The following PSG11 variants were observed in gnomAD, a reference collection of about 807,000 sequenced individuals.
PSG11 encodes the protein pregnancy specific beta-1-glycoprotein 11.
In PSG11, 42 loss-of-function variants were observed where a neutral mutation model predicts 36.0. The observed-to-expected ratio is 1.17, with a 90% CI of 0.91 to 1.51. PSG11 has a LOEUF of 1.51. PSG11 is among the 40% of genes most tolerant of loss of function. The pLI is 0.00. For synonymous variants in PSG11, 206 were observed against 153.5 expected (o/e 1.34, Z -2.53); for missense variants, 558 against 403.5 (o/e 1.38, Z -3.28).
At chr19:43,011,336 A>G (rs910612593) in intron 4 of PSG11, among the ~76,000 whole-genome samples, 4 of 151,350 alleles carry the variant, frequency 2.6e-5, no homozygotes, top group African/African-American at 9.7e-5. Context: ...TCTTACATTA[A>G]AAAAGAAGAA....
At chr19:43,010,109 C>A in intron 4 of PSG11, 68 bp from the exon 5 acceptor site, 1 of 1,560,638 alleles carries the variant, frequency 6.4e-7, no homozygotes, top group Non-Finnish European at 8.8e-7. Context: ...GCGTCAGGAA[C>A]AAGCATGTAA....
chr19:43,020,171 C>A (rs1192137656), intron 2 of PSG11, among the ~76,000 whole-genome samples: 1 of 151,348 alleles, frequency 6.6e-6, no homozygotes, highest in Non-Finnish European at 1.5e-5. Flanking sequence ...ATCTCCTGTA[C>A]AGATTCATGC....
At position 43,015,998 on chromosome 19, in the gene PSG11, C is replaced by T. The variant is rs777928069; in HGVS notation, c.710-628G>A. The T allele has an allele frequency of 2.5e-5, 41 of 1,610,028 alleles. No homozygotes were observed. In the African/African-American group the frequency reaches 3.6e-4, roughly 14 times the overall value. On this transcript the variant is annotated intron_variant, in intron 3 of 5. Coordinates refer to ENST00000320078, the MANE Select transcript of PSG11 (RefSeq NM_002785.3). ...GTGAAGGTTAAGACATCCTTATTCT[C>T]CCTGGGGTTTAAGTTGTTGATGGTG...
intron 5 of PSG11, among the ~76,000 whole-genome samples, chr19:43,008,876 T>G (rs1457411404): frequency 6.6e-6 from 1 of 151,288 alleles, no homozygotes; most frequent in Non-Finnish European, 1.5e-5. Flanking sequence ...TTCTCCATCC[T>G]TGTTACATGT....
chr19:43,018,225 A>C, intron 3 of PSG11: 1 of 177,668 alleles, frequency 5.6e-6, no homozygotes, highest in Non-Finnish European at 1.2e-5. Context: ...TATGAAGAAC[A>C]CTTGTGCTGA....
intron 4 of PSG11, chr19:43,010,419 G>A: frequency 2.0e-6 from 3 of 1,522,860 alleles, no homozygotes; most frequent in Non-Finnish European, 2.7e-6. Flanking sequence ...AGATCTCCAT[G>A]GCAGGGACCT....
rs1211367264 is a variant in PSG11, at chr19:43,018,594, C to T, written c.709+176G>A. 2.4e-5 allele frequency: 34 copies of T among 1,445,482 alleles called. No individual in the cohort carries two copies. In the East Asian group the frequency reaches 4.2e-4, roughly 18 times the overall value. The allele number at this position is 1,445,482 out of a possible 1,614,324, so 89.5% of individuals were successfully genotyped here. On this transcript the variant is annotated intron_variant, in intron 3 of 5. Coordinates refer to ENST00000320078, the MANE Select transcript of PSG11 (RefSeq NM_002785.3). The stretch of plus-strand genomic sequence containing the variant: ...GACAGGAGCAGCCTCTTTTCTCCCA[C>T]TGTGGATCAAGCCTAGGCCTACTGT...
intron 4 of PSG11, chr19:43,014,360 G>C: frequency 1.1e-6 from 1 of 929,074 alleles, no homozygotes; most frequent in East Asian, 1.2e-4. Context: ...TATTTCTCCA[G>C]CTCTGCATCA....
chr19:43,010,116 G>A, intron 4 of PSG11, 75 bp from the exon 5 acceptor site: 1 of 1,549,138 alleles, frequency 6.5e-7, no homozygotes, highest in Admixed American at 1.8e-5. Context: ...GAACAAGCAT[G>A]TAACATGAGA....
chr19:43,010,128 A>G lies in PSG11; in HGVS notation c.965-87T>C, dbSNP rs117427629. 1.9e-3 allele frequency: 2,960 copies of G among 1,527,528 alleles called. 119 individuals carry two copies. The East Asian group carries it at 0.052, about 27-fold the overall frequency. The allele number at this position is 1,527,528 out of a possible 1,614,324, so 94.6% of individuals were successfully genotyped here. ...CAGGAACAAGCATGTAACATGAGATACTGTATAATTGTTTCTTCAAGGACT... is the reference window on the plus strand; with the variant it reads ...CAGGAACAAGCATGTAACATGAGATGCTGTATAATTGTTTCTTCAAGGACT... On this transcript the variant is annotated intron_variant, in intron 4 of 5. Transcript: ENST00000320078.
chr19:43,009,968 T>C lies in PSG11; in HGVS notation c.*30A>G. ...AAAAGGTCATCATACCTGCCAGTCT[T>C]CCTGAAATACAAAAATGACATCACG... On this transcript the variant is annotated 3_prime_UTR_variant, in exon 5 of 6. Coordinates refer to ENST00000320078, the MANE Select transcript of PSG11 (RefSeq NM_002785.3). 6.3e-7 allele frequency: 1 copy of C among 1,593,994 alleles called. No individual in the cohort carries two copies. Among genetic ancestry groups the C allele is most frequent in the Non-Finnish European group, 8.6e-7 (1 of 1,163,040 alleles).
At chr19:43,015,081 A>C in intron 4 of PSG11, 35 bp downstream of exon 4, 1 of 1,611,020 alleles carries the variant, frequency 6.2e-7, no homozygotes, top group Non-Finnish European at 8.5e-7. Flanking sequence ...ACTCCACCTA[A>C]AACCCTATTG....
intron 1 of PSG11, 190 bp from the exon 2 acceptor site, chr19:43,025,246 T>A (rs573297724): frequency 2.8e-6 from 3 of 1,075,428 alleles, no homozygotes; most frequent in African/African-American, 3.3e-5. Flanking sequence ...GTGTGTGTGT[T>A]CTACTGTCCT....
In PSG11 at chr19:43,019,052, T is replaced by C; in HGVS notation, c.431-4A>G. 1 of 1,609,776 alleles carries C rather than the reference T, an allele frequency of 6.2e-7. No individual in the cohort carries two copies. The highest frequency in any genetic ancestry group is 8.5e-7 in the Non-Finnish European group (1 of 1,177,868). ...ATGGAGGGCTTGGGAGTCTCCACTG[T>C]GCAGAAAACAGAGAGAAGATTGCCC... On this transcript the variant is annotated splice_region_variant and splice_polypyrimidine_tract_variant and intron_variant, in intron 2 of 5. Transcript: ENST00000320078.
At chr19:43,023,756 C>G (rs1231038190) in intron 2 of PSG11, among the ~76,000 whole-genome samples, 2 of 151,212 alleles carry the variant, frequency 1.3e-5, no homozygotes, top group Admixed American at 6.6e-5. Flanking sequence ...GATTCAGTGA[C>G]TGTGCCTTCC....
rs1966945098 is a variant in PSG11, at chr19:43,015,663, A to G, written c.710-293T>C. ...GAGTCATGGCCACCTCGGATGTCCA[A>G]AAGTAAAGGTGTCTGTACTTGGACC... On this transcript the variant is annotated intron_variant, in intron 3 of 5. Coordinates refer to ENST00000320078, the MANE Select transcript of PSG11 (RefSeq NM_002785.3). The G allele has an allele frequency of 1.9e-6, 3 of 1,541,358 alleles. 1 individual carries two copies. The highest frequency in any genetic ancestry group is 2.3e-5 in the East Asian group (1 of 44,320).
intron 3 of PSG11, 116 bp from the exon 4 acceptor site, chr19:43,015,486 A>G (rs1599672439): frequency 7.2e-7 from 1 of 1,393,804 alleles, no homozygotes; most frequent in African/African-American, 1.5e-5. Context: ...AGTCCCAGCC[A>G]AACCCCCTCT....
At chr19:43,016,624 G>C (rs894842786) in intron 3 of PSG11, among the ~76,000 whole-genome samples, 1 of 151,496 alleles carries the variant, frequency 6.6e-6, no homozygotes, top group Non-Finnish European at 1.5e-5. Context: ...AGGCAGTGGA[G>C]GCAGAAAGTG....
intron 3 of PSG11, chr19:43,015,857 C>T (rs1331219044): frequency 1.9e-6 from 3 of 1,609,958 alleles, no homozygotes; most frequent in East Asian, 2.2e-5. Flanking sequence ...TTTCTCGTGA[C>T]ACTGGGTAGA....
Sources: allele counts gnomAD v4.1 joint callset (sites outside exome capture counted in the v4.1 genomes callset), GRCh38; gene constraint gnomAD v4.1.1; transcripts MANE v1.5; gene names NCBI Gene and HGNC (gene_info 2026-07-23, HGNC 2026-07-21).